Variants in KCNN3 observed in about 807,000 individuals in gnomAD.
The protein encoded by KCNN3 is potassium calcium-activated channel subfamily N member 3.
KCNN3 carries 16 observed loss-of-function variants against 62.9 expected under a neutral mutation model. The ratio of observed to expected loss-of-function variants is 0.25; its 90% CI spans 0.17 to 0.39. KCNN3 has a LOEUF of 0.39. Among genes scored for constraint, KCNN3 ranks in the 10% least tolerant of loss-of-function variants. The pLI, the probability that KCNN3 is intolerant of heterozygous loss-of-function variation, is 1.00. For missense variants in KCNN3, 599 were observed against 949.4 expected (o/e 0.63, Z 4.85); for synonymous variants, 370 against 389.2 (o/e 0.95, Z 0.58).
intron 3 of KCNN3, among the ~76,000 whole-genome samples, chr1:154,770,502 A>G (rs888008558): frequency 1.3e-5 from 2 of 152,200 alleles, no homozygotes; most frequent in Non-Finnish European, 2.9e-5. Flanking sequence ...TTGGCAATAT[A>G]ATCGTAAGTG....
intron 1 of KCNN3, among the ~76,000 whole-genome samples, chr1:154,848,070 C>T (rs1036676073): frequency 2.0e-5 from 3 of 152,180 alleles, no homozygotes; most frequent in Admixed American, 6.5e-5. Context: ...CAGAAGCCAG[C>T]GCTGATGAGT....
rs1220931603 is a variant in KCNN3, at chr1:154,699,229, A to G, written c.*8747T>C. 6.6e-6 allele frequency: 1 copy of G among 151,956 alleles called. No homozygotes were observed. The highest frequency in any genetic ancestry group is 1.9e-4 in the East Asian group (1 of 5,190). The allele number at this position is 151,956 out of a possible 1,614,324, so 9.4% of individuals were successfully genotyped here. On this transcript the variant is annotated 3_prime_UTR_variant, in exon 8 of 8. Transcript: ENST00000271915. Reference sequence around the variant, plus strand: ...TCCTTTACCTTTTTAATAAAAAGTAAAAAACAAACAAAAAATACATCAATG... The same window carrying G: ...TCCTTTACCTTTTTAATAAAAAGTAGAAAACAAACAAAAAATACATCAATG...
At chr1:154,763,529 A>G (rs928851729) in intron 3 of KCNN3, among the ~76,000 whole-genome samples, 1 of 152,142 alleles carries the variant, frequency 6.6e-6, no homozygotes, top group Admixed American at 6.5e-5. Context: ...AGTGCACACC[A>G]TTGTGCCTGA....
chr1:154,750,830 G>C (rs556274534), intron 3 of KCNN3, among the ~76,000 whole-genome samples: 4 of 152,234 alleles, frequency 2.6e-5, no homozygotes, highest in Admixed American at 2.6e-4. Flanking sequence ...GATTCTCCTG[G>C]GGAGCATCAG....
intron 6 of KCNN3, 47 bp downstream of exon 6, chr1:154,714,829 A>G (rs754059952): frequency 1.2e-6 from 2 of 1,611,484 alleles, no homozygotes; most frequent in African/African-American, 2.7e-5. Context: ...GAGTCCCGCC[A>G]CTCCCAGTCT....
intron 2 of KCNN3, among the ~76,000 whole-genome samples, chr1:154,783,284 T>C (rs1178945510): frequency 1.3e-5 from 2 of 151,906 alleles, no homozygotes; most frequent in Non-Finnish European, 2.9e-5. Flanking sequence ...CTCAGAAGAA[T>C]CTTTGCTGAC....
intron 2 of KCNN3, among the ~76,000 whole-genome samples, chr1:154,801,588 A>G (rs1240481103): frequency 1.3e-5 from 2 of 152,238 alleles, no homozygotes; most frequent in East Asian, 3.8e-4. Context: ...TTCAGTAAGA[A>G]CAAAATCTCT....
intron 2 of KCNN3, among the ~76,000 whole-genome samples, chr1:154,804,372 A>G (rs1248510905): frequency 1.3e-5 from 2 of 152,268 alleles, no homozygotes; most frequent in Non-Finnish European, 2.9e-5. Flanking sequence ...AGAGTTTTTT[A>G]TTAGTGCTTA....
intron 1 of KCNN3, among the ~76,000 whole-genome samples, chr1:154,866,137 A>G (rs1652946265): frequency 6.6e-6 from 1 of 152,142 alleles, no homozygotes; most frequent in South Asian, 2.1e-4. Context: ...CCCCCCAAGA[A>G]TAAACCATGC....
intron 2 of KCNN3, among the ~76,000 whole-genome samples, chr1:154,778,147 G>A (rs1173725639): frequency 1.3e-5 from 2 of 152,178 alleles, no homozygotes; most frequent in African/African-American, 4.8e-5. Flanking sequence ...TTAACTGGTG[G>A]TTCTGAGAAC....
intron 1 of KCNN3, among the ~76,000 whole-genome samples, chr1:154,857,936 G>A (rs967895105): frequency 1.4e-4 from 21 of 152,202 alleles, no homozygotes; most frequent in African/African-American, 2.4e-4. Context: ...TAATGAGAGC[G>A]GTGCCTTCCC....
chr1:154,801,872 C>T lies in KCNN3; in HGVS notation c.1029+20217G>A, dbSNP rs149570173. Among the ~76,000 whole-genome samples, 192 of 152,224 alleles carry T rather than the reference C, an allele frequency of 1.3e-3. 3 individuals carry two copies. The highest frequency in any genetic ancestry group is 4.3e-3 in the African/African-American group (178 of 41,546). ...CTGATGTCAGCACCAAGTCGGGGCG[C>T]GCCAGGAACGCTCTCAGCAGTCTGA... On this transcript the variant is annotated intron_variant, in intron 2 of 7. Coordinates refer to ENST00000271915, the MANE Select transcript of KCNN3 (RefSeq NM_002249.6).
rs927916560 is a variant in KCNN3, at chr1:154,708,235, T to C, written c.1937A>G (p.Asn646Ser). 28 of 1,613,678 alleles carry C rather than the reference T, an allele frequency of 1.7e-5. No individual in the cohort carries two copies. Among genetic ancestry groups the C allele is most frequent in the Middle Eastern group, 1.7e-4 (1 of 5,870 alleles). The change falls in exon 8 of 8, where the codon AAT (asparagine) becomes AGT (serine). Residue 646 changes from asparagine (N) to serine (S), a missense_variant. Physicochemically the swap from Asn to Ser is conservative, Grantham distance 46. Transcript: ENST00000271915. The stretch of plus-strand genomic sequence containing the variant: ...CTTCTCCAGGTCTTCGCTCCGGTCA[T>C]TGAGTTCTGTGATTAAGTCATACAT... Reference protein sequence around the residue: ...NVMYDLITELNDRSEDLEKQI... With the variant: ...NVMYDLITELSDRSEDLEKQI...
intron 1 of KCNN3, among the ~76,000 whole-genome samples, chr1:154,843,900 T>C (rs1221811334): frequency 6.6e-6 from 1 of 151,982 alleles, no homozygotes; most frequent in Admixed American, 6.5e-5. Context: ...GGCTGTGAGA[T>C]TTAATGAAGC....
Position 154,772,360 on chromosome 1 carries a change from G to A in KCNN3, c.1063C>T (p.Arg355Trp), listed in dbSNP as rs769288919. The change falls in exon 3 of 8, where the codon CGG (arginine) becomes TGG (tryptophan). Residue 355 changes from arginine (R) to tryptophan (W), a missense_variant. Coordinates refer to ENST00000271915, the MANE Select transcript of KCNN3 (RefSeq NM_002249.6). This position sits in a 1 kb window ranked among gnomAD's most constrained non-coding sequence, Gnocchi z 5.6. ...ATGCGCTCGTAGGTCATGGCTATCC[G>A]CCAGTCATCCGCGCCATTGTCGATC... is the stretch of plus-strand genomic sequence containing the variant. ...FVIDNGADDWRIAMTYERILY... is the reference protein window; with the variant it reads ...FVIDNGADDWWIAMTYERILY... The A allele has an allele frequency of 9.9e-6, 16 of 1,614,054 alleles. No homozygotes were observed. Among genetic ancestry groups the A allele is most frequent in the Non-Finnish European group, 1.1e-5 (13 of 1,180,034 alleles).
intron 1 of KCNN3, among the ~76,000 whole-genome samples, chr1:154,865,862 C>A (rs1652938952): frequency 6.6e-6 from 1 of 152,198 alleles, no homozygotes; most frequent in African/African-American, 2.4e-5. Flanking sequence ...TGTCACCTCC[C>A]AAGGGCCTTT....
At chr1:154,828,465 G>A (rs571953056) in intron 1 of KCNN3, among the ~76,000 whole-genome samples, 1 of 152,102 alleles carries the variant, frequency 6.6e-6, no homozygotes, top group South Asian at 2.1e-4. Flanking sequence ...AACAAGGCAA[G>A]CTTCCTATTT....
rs536537632 is a variant in KCNN3 at position 154,861,040 on chromosome 1, C to T, written c.933+7992G>A. 2.7e-5 allele frequency among the ~76,000 whole-genome samples: 4 copies of T among 150,776 alleles called. No homozygotes were observed. The East Asian group carries it at 5.9e-4, about 22-fold the overall frequency. Reference sequence around the variant, plus strand: ...CGCGATCTCGGCTCACTGCAACCTCCGCCTCCCGGGTTCAAGCGATTCTCC... The same window carrying T: ...CGCGATCTCGGCTCACTGCAACCTCTGCCTCCCGGGTTCAAGCGATTCTCC... On this transcript the variant is annotated intron_variant, in intron 1 of 7. Coordinates refer to ENST00000271915, the MANE Select transcript of KCNN3 (RefSeq NM_002249.6).
chr1:154,787,822 C>T (rs1315752916), intron 2 of KCNN3, among the ~76,000 whole-genome samples: 1 of 151,776 alleles, frequency 6.6e-6, no homozygotes, highest in Non-Finnish European at 1.5e-5. Flanking sequence ...CCAAAAAGGC[C>T]CCAGGCCTGC....
Sources: allele counts gnomAD v4.1 joint callset (sites outside exome capture counted in the v4.1 genomes callset), GRCh38; gene constraint gnomAD v4.1.1; non-coding constraint Gnocchi (gnomAD v3.1); transcripts MANE v1.5; gene names NCBI Gene and HGNC (gene_info 2026-07-23, HGNC 2026-07-21).